Variants in ZBTB40 observed in about 807,000 individuals in gnomAD.
ZBTB40 encodes the protein zinc finger and BTB domain containing 40, also known as zinc finger and BTB domain-containing protein 40.
In ZBTB40, 60 loss-of-function variants were observed where a neutral mutation model predicts 117.5. The ratio of observed to expected loss-of-function variants is 0.51; its 90% confidence interval spans 0.41 to 0.63. The LOEUF is 0.63. Among genes scored for constraint, ZBTB40 ranks in the 30% least tolerant of loss-of-function variants. ZBTB40 has a pLI of 0.00. For synonymous variants in ZBTB40, 525 were observed against 577.1 expected (o/e 0.91, Z 1.29); for missense variants, 1,287 against 1,498.5 (o/e 0.86, Z 2.33).
chr1:22,508,231 A>G (rs1639127550), intron 7 of ZBTB40, 94 bp downstream of exon 7: 4 of 1,419,136 alleles, frequency 2.8e-6, no homozygotes, highest in Admixed American at 3.9e-5. Context: ...TTCTGTAAAT[A>G]TACATATGTA....
intron 1 of ZBTB40, among the ~76,000 whole-genome samples, chr1:22,480,551 C>T (rs747736016): frequency 6.7e-6 from 1 of 150,082 alleles, no homozygotes; most frequent in Non-Finnish European, 1.5e-5. Context: ...GGGGTTTCAT[C>T]GTGTTAGCCA....
chr1:22,451,654 A>G (rs1640871034), upstream of ZBTB40, among the ~76,000 whole-genome samples: 1 of 152,024 alleles, frequency 6.6e-6, no homozygotes, highest in Admixed American at 6.5e-5. Flanking sequence ...CTCAAAAAAA[A>G]AAAAAAGAAA....
At chr1:22,506,012 C>T in intron 5 of ZBTB40, 37 bp from the exon 6 acceptor site, 1 of 1,611,326 alleles carries the variant, frequency 6.2e-7, no homozygotes. Context: ...GTTGAATTGC[C>T]AGTAACTGGT....
intron 1 of ZBTB40, among the ~76,000 whole-genome samples, chr1:22,477,811 G>T (rs1342211504): frequency 6.6e-6 from 1 of 152,166 alleles, no homozygotes; most frequent in African/African-American, 2.4e-5. Flanking sequence ...GCCTCTCAAA[G>T]TGCTGGGATT....
Position 22,512,215 on chromosome 1 carries a change from G to A in ZBTB40, c.2461+81G>A, listed in dbSNP as rs571977853. ...GATTTCAGGCCTTTCCCTTAGTTGT[G>A]TGCAGTGAGGGCTGTGGGTGGGCTT... On this transcript the variant is annotated intron_variant, in intron 11 of 17. Transcript: ENST00000375647. 32 of 1,472,388 alleles carry A rather than the reference G, an allele frequency of 2.2e-5. No homozygotes were observed. In the African/African-American group the frequency reaches 3.6e-4, roughly 17 times the overall value. The allele number at this position is 1,472,388 out of a possible 1,614,324, so 91.2% of individuals were successfully genotyped here.
intron 11 of ZBTB40, 93 bp from the exon 12 acceptor site, chr1:22,512,831 T>C: frequency 6.9e-7 from 1 of 1,448,908 alleles, no homozygotes; most frequent in Non-Finnish European, 9.6e-7. Context: ...TCTGGAGGCC[T>C]GGGCTGAGAC....
At chr1:22,455,012 A>G (rs1191309479) in intron 1 of ZBTB40, among the ~76,000 whole-genome samples, 1 of 152,238 alleles carries the variant, frequency 6.6e-6, no homozygotes, top group Non-Finnish European at 1.5e-5. Context: ...AGAGGGGAGC[A>G]GATCTTGTTT....
chr1:22,459,939 C>T (rs1641091786), intron 1 of ZBTB40, among the ~76,000 whole-genome samples: 1 of 152,068 alleles, frequency 6.6e-6, no homozygotes, highest in African/African-American at 2.4e-5. Context: ...GTTTATTAGA[C>T]CTTTATTCTT....
At chr1:22,492,243 C>T (rs1168266292) in intron 3 of ZBTB40, among the ~76,000 whole-genome samples, 4 of 152,216 alleles carry the variant, frequency 2.6e-5, no homozygotes, top group African/African-American at 9.7e-5. Flanking sequence ...TTTATACTGC[C>T]TCCCAACAGG....
chr1:22,490,623 A>G lies in ZBTB40; in HGVS notation c.675A>G (p.Ala225=), dbSNP rs1638603606. The G allele has an allele frequency of 1.9e-6, 3 of 1,613,638 alleles. No individual in the cohort carries two copies. Among genetic ancestry groups the G allele is most frequent in the Non-Finnish European group, 2.5e-6 (3 of 1,180,032 alleles). ...CTGCTGTGCAAACCTTTAGTGAGGC[A>G]AAGAAGACAAGCACAGAACCAGGTA... ...PSPAVQTFSE[A]KKTSTEPGCE... is the part of the protein sequence containing the mutation. Residue 225 remains alanine, a synonymous_variant, in exon 2 of 18, where the codon GCA becomes GCG. Transcript: ENST00000375647.
intron 1 of ZBTB40, among the ~76,000 whole-genome samples, chr1:22,439,872 A>G (rs1640711492): frequency 6.6e-6 from 1 of 152,214 alleles, no homozygotes; most frequent in African/African-American, 2.4e-5. Flanking sequence ...TCTTGCAAAA[A>G]ATGTCATTGG....
intron 6 of ZBTB40, among the ~76,000 whole-genome samples, 181 bp from the exon 7 acceptor site, chr1:22,507,820 C>T (rs941978815): frequency 1.3e-5 from 2 of 152,182 alleles, no homozygotes; most frequent in South Asian, 2.1e-4. Context: ...AAGCGCCAAG[C>T]GATTAAGTGT....
chr1:22,503,075 A>G (rs1010718645), intron 5 of ZBTB40, among the ~76,000 whole-genome samples: 2 of 150,404 alleles, frequency 1.3e-5, no homozygotes, highest in Non-Finnish European at 2.9e-5. Flanking sequence ...TATACCTATA[A>G]TATGGATTTC....
chr1:22,481,266 T>C (rs1638303200), intron 1 of ZBTB40, among the ~76,000 whole-genome samples: 1 of 152,244 alleles, frequency 6.6e-6, no homozygotes, highest in Non-Finnish European at 1.5e-5. Flanking sequence ...GCCAAAAGTC[T>C]GTTTTTTAAT....
Position 22,502,410 on chromosome 1 carries a change from A to C in ZBTB40, c.1136A>C (p.Lys379Thr). Reference protein sequence around the residue: ...RPIMESLETAKEEFLTGTEKR... With the variant: ...RPIMESLETATEEFLTGTEKR... The stretch of plus-strand genomic sequence containing the variant: ...ATTATGGAGTCCCTGGAAACAGCCA[A>C]GGAGGAATTCCTGACTGGCACTGAA... The change falls in exon 5 of 18, where the codon AAG (lysine) becomes ACG (threonine). Residue 379 changes from lysine to threonine, a missense_variant. By Grantham distance (78) the Lys-to-Thr change is moderately conservative. Around this residue, in one of 2 missense-constraint regions of ZBTB40, gnomAD observed 870 missense variants for 934.4 expected, o/e 0.93. Coordinates refer to ENST00000375647, the MANE Select transcript of ZBTB40 (RefSeq NM_014870.4). 6.2e-7 allele frequency: 1 copy of C among 1,614,142 alleles called. No individual in the cohort carries two copies.
intron 1 of ZBTB40, among the ~76,000 whole-genome samples, chr1:22,438,992 C>T (rs1414970991): frequency 1.3e-5 from 2 of 152,064 alleles, no homozygotes; most frequent in Non-Finnish European, 2.9e-5. Context: ...CTCAGCCTCC[C>T]GATTAGCTGG....
intron 1 of ZBTB40, among the ~76,000 whole-genome samples, chr1:22,474,309 A>G (rs183622094): frequency 3.9e-5 from 6 of 152,394 alleles, no homozygotes; most frequent in East Asian, 3.9e-4. Context: ...GAGAGATACT[A>G]TCATGAACCC....
intron 1 of ZBTB40, among the ~76,000 whole-genome samples, chr1:22,430,412 G>T (rs528627813): frequency 2.0e-5 from 3 of 152,230 alleles, no homozygotes; most frequent in African/African-American, 7.2e-5. Flanking sequence ...AACATAGCAA[G>T]ACCCTGTCTT....
intron 1 of ZBTB40, among the ~76,000 whole-genome samples, chr1:22,474,853 C>T (rs1192659402): frequency 2.0e-5 from 3 of 151,834 alleles, no homozygotes; most frequent in Non-Finnish European, 4.4e-5. Context: ...TCTCCAAGGT[C>T]CCTTTCAGCT....
Sources: gnomAD v4.1 joint callset for allele counts (sites outside exome capture counted in the v4.1 genomes callset) on GRCh38, gnomAD v4.1.1 for gene constraint, gnomAD v4.1.1 regional missense constraint, MANE v1.5 for transcripts, NCBI Gene and HGNC (gene_info 2026-07-23, HGNC 2026-07-21) for gene names.